The following NBPF9 variants were observed in gnomAD, a reference collection of about 807,000 sequenced individuals.
NBPF9 encodes the protein NBPF member 9.
NBPF9 carries 91 observed loss-of-function variants against 97.8 expected under a neutral mutation model. The observed-to-expected ratio is 0.93, with a 90% CI of 0.79 to 1.11. The LOEUF (loss-of-function observed/expected upper bound fraction) is 1.11. Among genes scored for constraint, NBPF9 ranks in the 50% least tolerant of loss-of-function variants. NBPF9 has a pLI of 0.00. For missense variants in NBPF9, 992 were observed against 939.5 expected (o/e 1.06, Z -0.73); for synonymous variants, 334 against 359.5 (o/e 0.93, Z 0.80).
At chr1:149,094,031 A>G (rs2081585132) in intron 4 of NBPF9, among the ~76,000 whole-genome samples, 1 of 150,604 alleles carries the variant, frequency 6.6e-6, no homozygotes, top group South Asian at 2.1e-4. Context: ...GCTATTCAGG[A>G]GGCTGAGGCA....
At chr1:149,056,302 A>G (rs1343917811) in intron 29 of NBPF9, among the ~76,000 whole-genome samples, 1 of 129,328 alleles carries the variant, frequency 7.7e-6, no homozygotes, top group African/African-American at 2.9e-5. Flanking sequence ...CAGCTTTTGA[A>G]GTATGGTCAA....
At chr1:149,053,628 T>C (rs1165553685), downstream of NBPF9, among the ~76,000 whole-genome samples, 19 of 146,864 alleles carry the variant, frequency 1.3e-4, no homozygotes, top group African/African-American at 4.5e-4. Flanking sequence ...GGCAAGATGA[T>C]AATCACAGAA....
intron 12 of NBPF9, among the ~76,000 whole-genome samples, chr1:149,075,114 C>A (rs1553653970): frequency 6.6e-6 from 1 of 151,456 alleles, no homozygotes; most frequent in Non-Finnish European, 1.5e-5. Context: ...ATGGCCCCTA[C>A]TCCCTGCTCT....
chr1:149,071,316 C>T (rs2079391075), intron 15 of NBPF9, among the ~76,000 whole-genome samples, 177 bp from the exon 16 acceptor site: 1 of 151,718 alleles, frequency 6.6e-6, no homozygotes, highest in African/African-American at 2.4e-5. Context: ...ACCATGGCTG[C>T]CATGGGAACC....
At chr1:149,063,430 A>T (rs1201825453) in intron 20 of NBPF9, among the ~76,000 whole-genome samples, 1 of 142,160 alleles carries the variant, frequency 7.0e-6, no homozygotes, top group Non-Finnish European at 1.5e-5. Context: ...ATGGCCTGAG[A>T]CTAGGAAGAG....
chr1:149,088,558 TG>T (rs1429693271), intron 5 of NBPF9, among the ~76,000 whole-genome samples: 6 of 152,206 alleles, frequency 3.9e-5, no homozygotes, highest in African/African-American at 1.4e-4. Context: ...TTAATGGGGT[TG>T]GAAGTGTTGC....
intron 20 of NBPF9, 94 bp downstream of exon 20, chr1:149,063,539 A>C: frequency 7.1e-6 from 5 of 699,548 alleles, no homozygotes; most frequent in South Asian, 4.7e-5. Context: ...TGGCAATGAC[A>C]TCTCTCAGCT....
chr1:149,065,015 G>C (rs1305052613), intron 18 of NBPF9: 8 of 556,556 alleles, frequency 1.4e-5, no homozygotes, highest in African/African-American at 1.1e-4. Context: ...GGACAGATGA[G>C]CTAAAACAAG....
intron 5 of NBPF9, among the ~76,000 whole-genome samples, chr1:149,087,376 T>A (rs183009304): frequency 6.7e-5 from 10 of 149,294 alleles, no homozygotes; most frequent in African/African-American, 2.5e-4. Flanking sequence ...TGTGTATACA[T>A]ATATATATGT....
chr1:149,103,359 G>C (rs587726406), exon 1 of NBPF9: 1 of 152,058 alleles, frequency 6.6e-6, no homozygotes, highest in South Asian at 2.1e-4. Context: ...GACGGCAGCC[G>C]CGCCGCCGCG....
At chr1:149,084,278 T>A (rs1369589409) in intron 5 of NBPF9, among the ~76,000 whole-genome samples, 1 of 146,850 alleles carries the variant, frequency 6.8e-6, no homozygotes, top group East Asian at 2.0e-4. Flanking sequence ...GTATATATAT[T>A]ATATATACAC....
chr1:149,057,143 G>C (rs1232736278), intron 28 of NBPF9, among the ~76,000 whole-genome samples, 192 bp downstream of exon 28: 3 of 610 alleles, frequency 4.9e-3, no homozygotes, highest in African/African-American at 0.011. Flanking sequence ...TAGGAAGAGA[G>C]TCTTGCTCAC....
Position 149,059,098 on chromosome 1 carries a change from C to A in NBPF9, c.2586-1G>T. On this transcript the variant is annotated splice_acceptor_variant, in intron 25 of 29. Transcript: ENST00000584027. LOFTEE classifies it high-confidence loss of function. ...CTCATCCAGCAGCTCCCTGCTGAGC[C>A]TGGAAAAGTAGGAAAAAGTAAAGAA... is the stretch of plus-strand genomic sequence containing the variant. 4 of 419,366 alleles carry A rather than the reference C, an allele frequency of 9.5e-6. 1 individual carries two copies. The South Asian group carries it at 1.1e-4, about 11-fold the overall frequency. The allele number at this position is 419,366 out of a possible 1,614,324, so 26.0% of individuals were successfully genotyped here.
intron 11 of NBPF9, among the ~76,000 whole-genome samples, chr1:149,076,495 C>A (rs1167799848): frequency 2.7e-5 from 4 of 148,452 alleles, no homozygotes; most frequent in East Asian, 3.9e-4. Flanking sequence ...CGCCCCTGGT[C>A]AGAGACTTTA....
At chr1:149,070,448 G>GA (rs2079312438) in intron 16 of NBPF9, among the ~76,000 whole-genome samples, 1 of 151,370 alleles carries the variant, frequency 6.6e-6, no homozygotes, top group Admixed American at 6.6e-5. Flanking sequence ...AAGTAAAGAA[G>GA]AAAAGTTTCC....
chr1:149,059,463 C>G (rs2078460331), intron 25 of NBPF9: 1 of 399,486 alleles, frequency 2.5e-6, no homozygotes, highest in African/African-American at 2.7e-5. Flanking sequence ...AAATTCGATG[C>G]AGTGGCCATG....
At chr1:149,072,320 A>T (rs190434442) in intron 14 of NBPF9, among the ~76,000 whole-genome samples, 5 of 152,296 alleles carry the variant, frequency 3.3e-5, no homozygotes, top group African/African-American at 4.8e-5. Context: ...GGAGAGAGAC[A>T]AACTCAGGAA....
chr1:149,070,937 G>A (rs782246780), exon 16 of NBPF9: 2 of 1,612,466 alleles, frequency 1.2e-6, no homozygotes, highest in Non-Finnish European at 1.7e-6. Flanking sequence ...AGGCTACCTG[G>A]AATAATGTGT....
intron 5 of NBPF9, among the ~76,000 whole-genome samples, chr1:149,088,829 T>G (rs1482401426): frequency 6.6e-6 from 1 of 151,912 alleles, no homozygotes; most frequent in Non-Finnish European, 1.5e-5. Flanking sequence ...GGCTTCACTC[T>G]TCCCCAAGGG....
Sources: allele counts gnomAD v4.1 joint callset (sites outside exome capture counted in the v4.1 genomes callset), GRCh38; gene constraint gnomAD v4.1.1; transcripts MANE v1.5; gene names NCBI Gene and HGNC (gene_info 2026-07-23, HGNC 2026-07-21).